Variants in FAXDC2 observed in about 807,000 individuals in gnomAD.
FAXDC2 encodes fatty acid hydroxylase domain-containing protein 2.
FAXDC2 carries 41 observed loss-of-function variants against 40.9 expected under a neutral mutation model. The observed-to-expected ratio is 1.00, with a 90% confidence interval of 0.78 to 1.30. FAXDC2 has a LOEUF of 1.30. FAXDC2 is among the 50% of genes most tolerant of loss of function. The pLI, the probability that FAXDC2 is intolerant of heterozygous loss-of-function variation, is 0.00. For synonymous variants in FAXDC2, 157 were observed against 149.3 expected, an observed-to-expected ratio of 1.05 and a Z score of -0.38; for missense variants, 390 against 408.8, an observed-to-expected ratio of 0.95 and a Z score of 0.40.
In FAXDC2 at chr5:154,820,321, C is replaced by T. The variant is rs1462755439; in HGVS notation, c.997G>A (p.Glu333Lys). The T allele has an allele frequency of 3.1e-6, 5 of 1,607,202 alleles. No homozygotes were observed. Among genetic ancestry groups the T allele is most frequent in the East Asian group, 4.5e-5 (2 of 44,710 alleles). Reference protein sequence around the residue: ...ESIPDSPKRME With the variant: ...ESIPDSPKRMK ...GATGACACTTAGGCTGTCTCTCACTCCATCCTCTTTGGGGAGTCTGGGATG... is the reference window on the plus strand; with the variant it reads ...GATGACACTTAGGCTGTCTCTCACTTCATCCTCTTTGGGGAGTCTGGGATG... Residue 333 changes from glutamate (E) to lysine (K), a missense_variant, in exon 9 of 9, where the codon GAG becomes AAG. Transcript: ENST00000326080.
At chr5:154,826,250 G>A (rs140113443) in intron 5 of FAXDC2, among the ~76,000 whole-genome samples, 8 of 152,128 alleles carry the variant, frequency 5.3e-5, no homozygotes, top group East Asian at 1.9e-4. Flanking sequence ...ATGGGGAGCC[G>A]GGCGCGGTGG....
intron 2 of FAXDC2, among the ~76,000 whole-genome samples, chr5:154,836,776 G>A (rs1760359677): frequency 6.6e-6 from 1 of 152,100 alleles, no homozygotes; most frequent in South Asian, 2.1e-4. Flanking sequence ...CCAAGTTCAA[G>A]CAATTCTCCT....
intron 1 of FAXDC2, among the ~76,000 whole-genome samples, chr5:154,843,971 C>G (rs992955797): frequency 2.0e-5 from 3 of 152,150 alleles, no homozygotes; most frequent in Admixed American, 6.6e-5. Context: ...GTAATCCCAG[C>G]ACTTTGGGAG....
At chr5:154,835,169 A>G in intron 2 of FAXDC2, 1 of 478,702 alleles carries the variant, frequency 2.1e-6, no homozygotes, top group Non-Finnish European at 3.8e-6. Flanking sequence ...GGGGGAGGGA[A>G]GGGAATTAGC....
rs769183923 is a variant in FAXDC2, at chr5:154,822,474, C to T, written c.676G>A (p.Ala226Thr). The change falls in exon 7 of 9, where the codon GCA becomes ACA. Residue 226 changes from alanine (A) to threonine (T), a missense_variant and splice_region_variant. Ala to Thr is a moderately conservative substitution (Grantham distance 58, BLOSUM62 0). Coordinates refer to ENST00000326080, the MANE Select transcript of FAXDC2 (RefSeq NM_032385.5). ...ISLYAHPIEHAVSNMLPVIVG... is the reference protein window; with the variant it reads ...ISLYAHPIEHTVSNMLPVIVG... ...GGGGAGCATAGAGCTCTACTCACTGCATGCTCTATAGGGTGGGCATAGAGA... is the reference window on the plus strand; with the variant it reads ...GGGGAGCATAGAGCTCTACTCACTGTATGCTCTATAGGGTGGGCATAGAGA... The T allele has an allele frequency of 4.4e-6, 7 of 1,606,840 alleles. No homozygotes were observed. Among genetic ancestry groups the T allele is most frequent in the Non-Finnish European group, 5.1e-6 (6 of 1,173,722 alleles).
At chr5:154,844,132 T>A (rs1760541748) in intron 1 of FAXDC2, among the ~76,000 whole-genome samples, 1 of 151,632 alleles carries the variant, frequency 6.6e-6, no homozygotes, top group South Asian at 2.1e-4. Context: ...ACAGGAAAAT[T>A]GCTTGAACCC....
chr5:154,846,111 A>G (rs1252190463), intron 1 of FAXDC2, among the ~76,000 whole-genome samples: 2 of 151,994 alleles, frequency 1.3e-5, no homozygotes, highest in Non-Finnish European at 1.5e-5. Flanking sequence ...CTGGACACAT[A>G]TTAGTGGCAG....
At position 154,820,402 on chromosome 5, in the gene FAXDC2, TC is replaced by T. The variant is rs765631249; in HGVS notation, c.915del (p.Thr306ProfsTer100). 3.3e-5 allele frequency: 54 copies of T among 1,612,890 alleles called. 1 individual carries two copies. The South Asian group carries it at 4.5e-4, about 13-fold the overall frequency. ...AGGACATGTCTCTCGTAGGCCTTGG[TC>T]TGCTTGAACATGGTGTCAGTCCCAT... ...HLHGTDTMFK[Q>X]TKAYERHVLL... On this transcript the variant is annotated frameshift_variant, in exon 9 of 9. Transcript: ENST00000326080. LOFTEE classifies it high-confidence loss of function.
chr5:154,835,883 C>CTTTTTTTTTTTTTTTTTTTTTTTTTGTTT, intron 2 of FAXDC2, among the ~76,000 whole-genome samples: 1 of 47,844 alleles, frequency 2.1e-5, no homozygotes. Flanking sequence ...GCCCGGCCGA[C>CTTTTTTTTTTTTTTTTTTTTTTTTTGTTT]TTTTTTTTTT....
chr5:154,823,309 T>A, intron 6 of FAXDC2, 78 bp downstream of exon 6: 1 of 1,359,344 alleles, frequency 7.4e-7, no homozygotes, highest in Non-Finnish European at 1.0e-6. Context: ...TCACTGCACC[T>A]GGCCTCAGTT....
intron 1 of FAXDC2, among the ~76,000 whole-genome samples, chr5:154,846,269 A>AGTGTGTGTGTGTGTGT (rs10674936): frequency 2.9e-4 from 42 of 147,346 alleles, no homozygotes; most frequent in Admixed American, 3.4e-4. Context: ...TGAACTAGAT[A>AGTGTGTGTGTGTGTGT]GTGTGTGTGT....
At chr5:154,832,232 G>A (rs1048252776) in intron 4 of FAXDC2, among the ~76,000 whole-genome samples, 1 of 61,666 alleles carries the variant, frequency 1.6e-5, no homozygotes, top group Non-Finnish European at 3.4e-5. Flanking sequence ...TTTTTTTTTT[G>A]AGACAGAGTC....
chr5:154,834,786 T>C, intron 3 of FAXDC2, 57 bp downstream of exon 3: 1 of 1,591,074 alleles, frequency 6.3e-7, no homozygotes. Context: ...CTCCTTCCCC[T>C]ATGCTCTGCC....
At chr5:154,824,451 G>C (rs1408545563) in intron 5 of FAXDC2, 1 of 702,218 alleles carries the variant, frequency 1.4e-6, no homozygotes, top group Non-Finnish European at 2.6e-6. Context: ...TCCCCAGCTT[G>C]AGGCCTGCCT....
chr5:154,825,058 T>TAAAAAA (rs70981952), intron 5 of FAXDC2, among the ~76,000 whole-genome samples: 1 of 90,142 alleles, frequency 1.1e-5, no homozygotes, highest in African/African-American at 4.5e-5. Context: ...CCAATCTTGT[T>TAAAAAA]AAAAAAAAAA....
chr5:154,822,550 C>G lies in FAXDC2; in HGVS notation c.600G>C (p.Lys200Asn). Residue 200 changes from lysine (K) to asparagine (N), a missense_variant, in exon 7 of 9, where the codon AAG (lysine) becomes AAC (asparagine). Coordinates refer to ENST00000326080, the MANE Select transcript of FAXDC2 (RefSeq NM_032385.5). The stretch of plus-strand genomic sequence containing the variant: ...ACTCATGGTGTTTCTTGTGGATTTT[C>G]TTGTAGAATGTTGGGTGGTGAAGGA... ...HRLLHHPTFY[K>N]KIHKKHHEWT... The G allele has an allele frequency of 6.2e-7, 1 of 1,614,084 alleles. No homozygotes were observed. Among genetic ancestry groups the G allele is most frequent in the Non-Finnish European group, 8.5e-7 (1 of 1,179,980 alleles).
At position 154,824,512 on chromosome 5, in the gene FAXDC2, A is replaced by G. The variant is rs1759973339; in HGVS notation, c.367-920T>C. The G allele has an allele frequency of 4.3e-6, 3 of 701,830 alleles. No individual in the cohort carries two copies. In the South Asian group the frequency reaches 4.4e-5, roughly 10 times the overall value. The allele number at this position is 701,830 out of a possible 1,614,324, so 43.5% of individuals were successfully genotyped here. On this transcript the variant is annotated intron_variant, in intron 5 of 8. Transcript: ENST00000326080. ...CATGCATTAACTGATTTCAGAATTC[A>G]CTCTTTGTTTACTTCCATCCCATTG...
chr5:154,839,673 A>G (rs1192340307), intron 1 of FAXDC2, among the ~76,000 whole-genome samples: 1 of 152,086 alleles, frequency 6.6e-6, no homozygotes, highest in Non-Finnish European at 1.5e-5. Flanking sequence ...AAAAAGAACA[A>G]TAGAACAATA....
At chr5:154,821,003 TTCTA>T (rs1759873739) in intron 8 of FAXDC2, 1 of 461,748 alleles carries the variant, frequency 2.2e-6, no homozygotes, top group East Asian at 4.6e-5. Context: ...ATATGTACTT[TTCTA>T]AAGAGAATGT....
Sources: allele counts gnomAD v4.1 joint callset (sites outside exome capture counted in the v4.1 genomes callset), GRCh38; gene constraint gnomAD v4.1.1; transcripts MANE v1.5; gene names NCBI Gene and HGNC (gene_info 2026-07-23, HGNC 2026-07-21).